RCAN1: variants seen among roughly 807,000 people sequenced by gnomAD.
RCAN1 encodes the protein calcipressin-1.
Under a neutral mutation model 22.9 loss-of-function variants are expected in RCAN1, and 11 were observed. That is an observed-to-expected ratio of 0.48 (90% CI 0.30 to 0.79). The LOEUF (loss-of-function observed/expected upper bound fraction) is 0.79. Ranked by LOEUF, RCAN1 falls within the 30% of genes least tolerant of loss-of-function variation. RCAN1 has a pLI of 0.06. For missense variants in RCAN1, 291 were observed against 337.8 expected, an observed-to-expected ratio of 0.86 and a Z score of 1.09; for synonymous variants, 136 against 142.3, an observed-to-expected ratio of 0.96 and a Z score of 0.32.
chr21:34,524,947 GT>G (rs1984910436), intron 1 of RCAN1: 2 of 1,405,778 alleles, frequency 1.4e-6, no homozygotes, highest in South Asian at 2.9e-5. Flanking sequence ...TAGTCGCCGG[GT>G]TTTGTGAATC....
chr21:34,610,933 C>T (rs1004946373), intron 1 of RCAN1, among the ~76,000 whole-genome samples: 2 of 152,018 alleles, frequency 1.3e-5, no homozygotes, highest in Non-Finnish European at 2.9e-5. Context: ...TTTACTCAAG[C>T]GAAAAGAGTA....
intron 3 of RCAN1, among the ~76,000 whole-genome samples, chr21:34,520,568 C>CA (rs1984433764): frequency 6.6e-6 from 1 of 152,186 alleles, no homozygotes; most frequent in African/African-American, 2.4e-5. Context: ...ACAAAACCCT[C>CA]AACCCAAGGG....
intron 1 of RCAN1, among the ~76,000 whole-genome samples, chr21:34,585,881 A>C (rs926698757): frequency 3.9e-5 from 6 of 152,152 alleles, no homozygotes; most frequent in Admixed American, 6.5e-5. Flanking sequence ...AAAAATACTA[A>C]CCAAACAAGA....
At position 34,518,258 on chromosome 21, in the gene RCAN1, T is replaced by C; in HGVS notation, c.587-2A>G. 1 of 1,613,290 alleles carries C rather than the reference T, an allele frequency of 6.2e-7. No individual in the cohort carries two copies. ...CTGCGTGCAATTCATACTTTTCCCCTAAGGAGGGAAAATAATCGCAGGGTC... is the reference window on the plus strand; with the variant it reads ...CTGCGTGCAATTCATACTTTTCCCCCAAGGAGGGAAAATAATCGCAGGGTC... On this transcript the variant is annotated splice_acceptor_variant, in intron 3 of 3. Transcript: ENST00000313806. LOFTEE classifies it high-confidence loss of function. This position sits in a 1 kb window ranked among gnomAD's most constrained non-coding sequence, Gnocchi z 4.2.
At chr21:34,570,933 C>T (rs1987213192) in intron 1 of RCAN1, among the ~76,000 whole-genome samples, 1 of 152,058 alleles carries the variant, frequency 6.6e-6, no homozygotes, top group Admixed American at 6.5e-5. Flanking sequence ...CAAAAATTCA[C>T]AAAAATTAAC....
intron 1 of RCAN1, among the ~76,000 whole-genome samples, chr21:34,548,326 A>AT (rs996789072): frequency 1.3e-5 from 2 of 152,008 alleles, no homozygotes; most frequent in Non-Finnish European, 2.9e-5. Context: ...TACATATGAA[A>AT]TTTTTTTTGC....
At chr21:34,573,540 G>A (rs151064500) in intron 1 of RCAN1, among the ~76,000 whole-genome samples, 8 of 152,254 alleles carry the variant, frequency 5.3e-5, no homozygotes, top group African/African-American at 1.7e-4. Context: ...CAAACTGCCA[G>A]TCACCACTTT....
At chr21:34,586,514 T>A (rs1270088476) in intron 1 of RCAN1, among the ~76,000 whole-genome samples, 2 of 152,104 alleles carry the variant, frequency 1.3e-5, no homozygotes, top group Non-Finnish European at 2.9e-5. Flanking sequence ...ATATGACATA[T>A]CAAAACTTGT....
In RCAN1 at chr21:34,518,398, T is replaced by C. The variant is rs1398993742; in HGVS notation, c.587-142A>G. ...CTGAGAGACACAGCCAGACATATTT[T>C]GGGTTTGTATTTCTTTGCTAGCTCA... On this transcript the variant is annotated intron_variant, in intron 3 of 3. Transcript: ENST00000313806. The surrounding 1 kb of genome is among the most constrained non-coding windows in gnomAD (Gnocchi z 4.2). 2.3e-6 allele frequency: 2 copies of C among 859,528 alleles called. No individual in the cohort carries two copies. The highest frequency in any genetic ancestry group is 3.4e-5 in the African/African-American group (2 of 58,600). The allele number at this position is 859,528 out of a possible 1,614,324, so 53.2% of individuals were successfully genotyped here.
intron 1 of RCAN1, among the ~76,000 whole-genome samples, chr21:34,530,455 CCT>C (rs2123600794): frequency 6.6e-6 from 1 of 152,220 alleles, no homozygotes; most frequent in East Asian, 1.9e-4. Context: ...GAATGTGCCC[CCT>C]GTGAAGCTGT....
intron 3 of RCAN1, among the ~76,000 whole-genome samples, chr21:34,520,065 T>C (rs1319288145): frequency 1.3e-5 from 2 of 152,136 alleles, no homozygotes; most frequent in East Asian, 3.9e-4. Flanking sequence ...AAGCTCAGGG[T>C]TTAGGACCAT....
chr21:34,545,821 A>T (rs1414223522), intron 1 of RCAN1, among the ~76,000 whole-genome samples: 2 of 152,254 alleles, frequency 1.3e-5, no homozygotes, highest in Non-Finnish European at 2.9e-5. Flanking sequence ...CCACCCATGG[A>T]GAATAATGAC....
intron 1 of RCAN1, among the ~76,000 whole-genome samples, chr21:34,604,522 T>G (rs990804054): frequency 1.4e-4 from 21 of 152,194 alleles, no homozygotes; most frequent in African/African-American, 4.6e-4. Context: ...ACACAAAGTT[T>G]AAGTGACTGA....
Position 34,525,227 on chromosome 21 carries a change from G to A in RCAN1, c.253-1517C>T. 3.9e-6 allele frequency: 6 copies of A among 1,550,632 alleles called. 1 individual carries two copies. Among genetic ancestry groups the A allele is most frequent in the South Asian group, 3.6e-5 (3 of 84,058 alleles). ...GGATGCCTGCTCCACATGGGGCTGC[G>A]GGTAGGAGCAGGGTAGTCGGTCCCT... On this transcript the variant is annotated intron_variant, in intron 1 of 3. Transcript: ENST00000313806.
intron 1 of RCAN1, among the ~76,000 whole-genome samples, chr21:34,603,324 C>G (rs1988420303): frequency 6.6e-6 from 1 of 151,904 alleles, no homozygotes; most frequent in East Asian, 1.9e-4. Context: ...CTACCTGCGG[C>G]CTGGGGACAG....
chr21:34,604,516 AAAGTTT>A (rs1390591792), intron 1 of RCAN1, among the ~76,000 whole-genome samples: 1 of 152,230 alleles, frequency 6.6e-6, no homozygotes, highest in Non-Finnish European at 1.5e-5. Context: ...TTAAAGACAC[AAAGTTT>A]AAGTGACTGA....
intron 1 of RCAN1, among the ~76,000 whole-genome samples, chr21:34,611,249 T>G (rs1051555192): frequency 1.3e-5 from 2 of 152,094 alleles, no homozygotes; most frequent in African/African-American, 2.4e-5. Flanking sequence ...AAAAAAAGAC[T>G]CACAAAAAGA....
intron 1 of RCAN1, chr21:34,525,375 C>A: frequency 2.7e-6 from 4 of 1,456,572 alleles, no homozygotes; most frequent in Non-Finnish European, 3.6e-6. Context: ...CGCAGAGGCA[C>A]GTGCGAAGGA....
At chr21:34,588,139 G>T (rs1012007149) in intron 1 of RCAN1, among the ~76,000 whole-genome samples, 1 of 152,128 alleles carries the variant, frequency 6.6e-6, no homozygotes, top group African/African-American at 2.4e-5. Context: ...CTATTTCTCT[G>T]GAGAACGCTG....
Sources: allele counts gnomAD v4.1 joint callset (sites outside exome capture counted in the v4.1 genomes callset), GRCh38; gene constraint gnomAD v4.1.1; non-coding constraint Gnocchi (gnomAD v3.1); transcripts MANE v1.5; gene names NCBI Gene and HGNC (gene_info 2026-07-23, HGNC 2026-07-21).